Variants in GPCPD1 observed in about 807,000 individuals in gnomAD.
The protein encoded by GPCPD1 is glycerophosphocholine phosphodiesterase 1.
In GPCPD1, 29 loss-of-function variants were observed where a neutral mutation model predicts 89.2. The observed-to-expected ratio is 0.33, with a 90% confidence interval of 0.24 to 0.44. The LOEUF is 0.44. Among genes scored for constraint, GPCPD1 ranks in the 20% least tolerant of loss-of-function variants. GPCPD1 has a pLI of 1.00. For missense variants in GPCPD1, 594 were observed against 808.9 expected (o/e 0.73, Z 3.22); for synonymous variants, 258 against 266.3 (o/e 0.97, Z 0.30).
At chr20:5,549,129 T>C (rs1985217332) in intron 19 of GPCPD1, 5 of 645,474 alleles carry the variant, frequency 7.7e-6, no homozygotes, top group South Asian at 7.1e-5. Context: ...GTTGAGCCCA[T>C]GTGGGAAGAT....
At chr20:5,582,645 T>C (rs558263731) in intron 6 of GPCPD1, among the ~76,000 whole-genome samples, 33 of 152,258 alleles carry the variant, frequency 2.2e-4, no homozygotes, top group Admixed American at 3.9e-4. Context: ...TCCCAACACT[T>C]TGGGAGGCCA....
chr20:5,574,501 G>C (rs907615592), intron 10 of GPCPD1, among the ~76,000 whole-genome samples: 4 of 152,220 alleles, frequency 2.6e-5, no homozygotes, highest in Non-Finnish European at 4.4e-5. Context: ...TTGGGAGGCT[G>C]AGGCAGGCAG....
intron 7 of GPCPD1, 75 bp from the exon 8 acceptor site, chr20:5,578,686 T>A: frequency 1.1e-6 from 1 of 910,460 alleles, no homozygotes; most frequent in East Asian, 2.6e-5. Flanking sequence ...GCCTAAATTC[T>A]ACATTTTAAA....
chr20:5,604,481 A>G, intron 1 of GPCPD1, 41 bp from the exon 2 acceptor site: 1 of 889,756 alleles, frequency 1.1e-6, no homozygotes, highest in Non-Finnish European at 1.8e-6. Flanking sequence ...ATAAAAATAT[A>G]TGCCTTAGCT....
rs79882310 is a variant in GPCPD1, at chr20:5,547,419, T to A, written c.*242A>T. ...ACATTATAGATTTATATATTTAGTT[T>A]AAAATATTTATATTACTAACCAATA... is the stretch of plus-strand genomic sequence containing the variant. On this transcript the variant is annotated 3_prime_UTR_variant, in exon 20 of 20. Transcript: ENST00000379019. The A allele has an allele frequency of 0.014, 3,320 of 238,118 alleles. 37 individuals are homozygous for A. Among genetic ancestry groups the A allele is most frequent in the Non-Finnish European group, 0.021 (2,659 of 125,858 alleles). The allele number at this position is 238,118 out of a possible 1,614,324, so 14.8% of individuals were successfully genotyped here.
chr20:5,600,082 T>C (rs1257004235), intron 2 of GPCPD1, among the ~76,000 whole-genome samples: 1 of 152,252 alleles, frequency 6.6e-6, no homozygotes, highest in Non-Finnish European at 1.5e-5. Flanking sequence ...ACTGCCAATT[T>C]GGCTCAAGAC....
At chr20:5,564,620 A>G (rs1986277635) in intron 15 of GPCPD1, among the ~76,000 whole-genome samples, 1 of 152,150 alleles carries the variant, frequency 6.6e-6, no homozygotes, top group Admixed American at 6.5e-5. Flanking sequence ...GTAAGTCCAG[A>G]GGTTTGAATT....
chr20:5,567,024 GCATTT>G (rs1986427097), intron 13 of GPCPD1, among the ~76,000 whole-genome samples: 1 of 152,126 alleles, frequency 6.6e-6, no homozygotes, highest in Admixed American at 6.5e-5. Flanking sequence ...AGGGAATCAT[GCATTT>G]ATTTAGGTTC....
intron 2 of GPCPD1, among the ~76,000 whole-genome samples, chr20:5,603,051 G>T (rs1461084458): frequency 6.6e-6 from 1 of 151,322 alleles, no homozygotes; most frequent in Non-Finnish European, 1.5e-5. Flanking sequence ...CCAGCACTTT[G>T]GGAGGCCGAG....
At chr20:5,587,990 A>T (rs1308965771) in intron 4 of GPCPD1, among the ~76,000 whole-genome samples, 1 of 152,198 alleles carries the variant, frequency 6.6e-6, no homozygotes, top group East Asian at 1.9e-4. Flanking sequence ...CTTTTTCTCT[A>T]GCTAAACACT....
rs1268126810 is a variant in GPCPD1, at chr20:5,547,845, T to C, written c.1835A>G (p.Tyr612Cys). 6 of 1,576,190 alleles carry C rather than the reference T, an allele frequency of 3.8e-6. No homozygotes were observed. In the African/African-American group the frequency reaches 5.4e-5, roughly 14 times the overall value. Residue 612 changes from tyrosine (Y) to cysteine (C), a missense_variant, in exon 20 of 20, where the codon TAT (tyrosine) becomes TGT (cysteine). Transcript: ENST00000379019. ...ATTTGGTTGTTCAGGCATCCAATCA[T>C]ATATCCTATGATGAAACAAATACAA... ...GVNGLIYDRI[Y>C]DWMPEQPNIF...
At chr20:5,565,202 G>A (rs1467592662) in intron 14 of GPCPD1, 124 bp from the exon 15 acceptor site, 11 of 632,854 alleles carry the variant, frequency 1.7e-5, no homozygotes, top group Admixed American at 1.4e-4. Context: ...GAGCAAGCGC[G>A]AGAGCATAAG....
At chr20:5,583,557 A>G (rs1400643454) in intron 6 of GPCPD1, among the ~76,000 whole-genome samples, 4 of 152,208 alleles carry the variant, frequency 2.6e-5, no homozygotes. Flanking sequence ...GTCACTGAAG[A>G]AAATTAGAAT....
intron 6 of GPCPD1, among the ~76,000 whole-genome samples, chr20:5,581,467 C>T (rs1277971482): frequency 1.3e-5 from 2 of 152,198 alleles, no homozygotes; most frequent in Non-Finnish European, 1.5e-5. Flanking sequence ...TGTTACACTT[C>T]CAAAGCGTCA....
chr20:5,567,415 C>CCATATACAA, intron 13 of GPCPD1, 68 bp downstream of exon 13: 1 of 1,493,828 alleles, frequency 6.7e-7, no homozygotes, highest in Non-Finnish European at 8.9e-7. Flanking sequence ...GAGAACATAA[C>CCATATACAA]CATATACAAG....
At chr20:5,608,441 G>T (rs368438888) in intron 1 of GPCPD1, among the ~76,000 whole-genome samples, 1 of 152,014 alleles carries the variant, frequency 6.6e-6, no homozygotes, top group African/African-American at 2.4e-5. Flanking sequence ...AAAGCCTCAG[G>T]AGCTGTTCCA....
chr20:5,590,944 A>G (rs1979288099), intron 4 of GPCPD1, among the ~76,000 whole-genome samples: 1 of 152,226 alleles, frequency 6.6e-6, no homozygotes, highest in Non-Finnish European at 1.5e-5. Context: ...AAAGGATACA[A>G]TGAAAAACTG....
At chr20:5,549,454 C>T (rs1985239222) in intron 19 of GPCPD1, 1 of 1,203,674 alleles carries the variant, frequency 8.3e-7, no homozygotes, top group Admixed American at 1.7e-5. Flanking sequence ...AAAACAGCTC[C>T]ACCACTAAAA....
intron 16 of GPCPD1, among the ~76,000 whole-genome samples, 197 bp downstream of exon 16, chr20:5,561,265 CATT>C (rs1445304472): frequency 6.6e-6 from 1 of 152,182 alleles, no homozygotes; most frequent in East Asian, 1.9e-4. Flanking sequence ...CAATATTCAT[CATT>C]AATTTGAAAT....
Sources: gnomAD v4.1 joint callset for allele counts (sites outside exome capture counted in the v4.1 genomes callset) on GRCh38, gnomAD v4.1.1 for gene constraint, MANE v1.5 for transcripts, NCBI Gene and HGNC (gene_info 2026-07-23, HGNC 2026-07-21) for gene names.